MGAT5B: variants seen among roughly 807,000 people sequenced by gnomAD.
The protein encoded by MGAT5B is N-acetylglucosaminyl-transferase Vb.
A neutral mutation model predicts 95.1 loss-of-function variants in MGAT5B; 54 were observed. The observed-to-expected ratio is 0.57, with a 90% CI of 0.46 to 0.71. The LOEUF (loss-of-function observed/expected upper bound fraction) is 0.71. MGAT5B is among the 30% of genes least tolerant of loss of function. The pLI, the probability that MGAT5B is intolerant of heterozygous loss-of-function variation, is 0.00. For missense variants in MGAT5B, 935 were observed against 1,088.6 expected (o/e 0.86, Z 1.99); for synonymous variants, 464 against 451.0 (o/e 1.03, Z -0.36).
chr17:76,918,523 G>T lies in MGAT5B; in HGVS notation c.1026-6443G>T, dbSNP rs1969022928. On this transcript the variant is annotated intron_variant, in intron 8 of 17. Coordinates refer to ENST00000569840, the MANE Select transcript of MGAT5B (RefSeq NM_001199172.2). This position sits in a 1 kb window ranked among gnomAD's most constrained non-coding sequence, Gnocchi z 5.1. ...GGCAGGAAGAAAATGCTGCAGGACG[G>T]TGTAATTCTTTCCTCATTAGTGATC... Among the ~76,000 whole-genome samples, 1 of 152,216 alleles carries T rather than the reference G, an allele frequency of 6.6e-6. No individual in the cohort carries two copies. The highest frequency in any genetic ancestry group is 1.5e-5 in the Non-Finnish European group (1 of 68,040).
intron 10 of MGAT5B, among the ~76,000 whole-genome samples, chr17:76,928,561 C>T (rs1209628762): frequency 3.3e-5 from 5 of 151,820 alleles, no homozygotes; most frequent in African/African-American, 4.8e-5. Flanking sequence ...AAAAATTAGC[C>T]GGGTGTGGTC....
chr17:76,943,162 G>A (rs558882401), intron 15 of MGAT5B, among the ~76,000 whole-genome samples: 62 of 151,948 alleles, frequency 4.1e-4, no homozygotes, highest in African/African-American at 1.3e-3. Flanking sequence ...GACTGTCTGC[G>A]GTGAGAGGAA....
Position 76,905,266 on chromosome 17 carries a change from C to T in MGAT5B, c.788C>T (p.Ala263Val). 6.2e-7 allele frequency: 1 copy of T among 1,612,052 alleles called. No individual in the cohort carries two copies. Among genetic ancestry groups the T allele is most frequent in the Non-Finnish European group, 8.5e-7 (1 of 1,178,782 alleles). Residue 263 changes from alanine (A) to valine (V), a missense_variant, in exon 7 of 18, where the codon GCC becomes GTC. By Grantham distance (64) the Ala-to-Val change is moderately conservative. Around this residue, in one of 4 missense-constraint regions of MGAT5B, gnomAD observed 243 missense variants for 305.5 expected, o/e 0.80. Transcript: ENST00000569840. The surrounding 1 kb of genome is among the most constrained non-coding windows in gnomAD (Gnocchi z 4.2). ...FMKKRTKRLT[A>V]QWALAAQRLA... The stretch of plus-strand genomic sequence containing the variant: ...AAGAAGCGGACCAAGAGGCTCACAG[C>T]CCAGTGGGCGCTGGCTGCCCAGCGC...
chr17:76,932,520 C>T (rs937840676), intron 10 of MGAT5B, 125 bp from the exon 11 acceptor site: 32 of 1,415,928 alleles, frequency 2.3e-5, no homozygotes, highest in Non-Finnish European at 3.0e-5. Context: ...CCCACCGCAC[C>T]CTGTGCCCCG....
rs146302406 is a variant in MGAT5B, at chr17:76,906,116, G to T, written c.954G>T (p.Ala318=). ...CCCTAGGGGAGATGGTGCAGTGGGC[G>T]GACATTCTGACTGCACTCTATGTCC... is the stretch of plus-strand genomic sequence containing the variant. The part of the protein sequence containing the change: ...GGPLGEMVQW[A]DILTALYVLG... The change falls in exon 8 of 18, where the codon GCG becomes GCT. Residue 318 remains alanine (A), a synonymous_variant. Transcript: ENST00000569840. The surrounding 1 kb of genome is among the most constrained non-coding windows in gnomAD (Gnocchi z 4.6). 1 of 1,607,014 alleles carries T rather than the reference G, an allele frequency of 6.2e-7. No individual in the cohort carries two copies. The highest frequency in any genetic ancestry group is 2.3e-5 in the East Asian group (1 of 44,090).
chr17:76,892,311 G>GTGT (rs893598997), intron 3 of MGAT5B, among the ~76,000 whole-genome samples: 16 of 152,266 alleles, frequency 1.1e-4, no homozygotes, highest in African/African-American at 3.9e-4. Flanking sequence ...GCCTCCCAAA[G>GTGT]TGTTGGGATT....
chr17:76,923,076 C>A (rs1969168953), intron 8 of MGAT5B, among the ~76,000 whole-genome samples: 1 of 152,204 alleles, frequency 6.6e-6, no homozygotes, highest in Non-Finnish European at 1.5e-5. Context: ...CGGCAGGTGA[C>A]CAGAAACATC....
intron 16 of MGAT5B, 143 bp from the exon 17 acceptor site, chr17:76,947,687 A>G (rs1271362734): frequency 7.5e-7 from 1 of 1,327,436 alleles, no homozygotes; most frequent in Non-Finnish European, 9.7e-7. Context: ...AGTAAATGAA[A>G]TAATGCAGGT....
chr17:76,948,561 G>A (rs1429041464), intron 17 of MGAT5B, 79 bp from the exon 18 acceptor site: 5 of 1,392,718 alleles, frequency 3.6e-6, no homozygotes, highest in African/African-American at 2.8e-5. Flanking sequence ...GGACTAGGCT[G>A]GGGGCAGCCC....
intron 1 of MGAT5B, chr17:76,872,635 G>A (rs529332977): frequency 9.6e-6 from 14 of 1,456,660 alleles, no homozygotes; most frequent in South Asian, 2.9e-5. Flanking sequence ...GTGGTTTCTC[G>A]TGTGGCTCGA....
rs368795191 is a variant in MGAT5B, at chr17:76,930,533, G to A, written c.1292-2112G>A. Among the ~76,000 whole-genome samples the A allele has an allele frequency of 6.6e-6, 1 of 152,202 alleles. No individual in the cohort carries two copies. Among genetic ancestry groups the A allele is most frequent in the South Asian group, 2.1e-4 (1 of 4,824 alleles). ...TTAAATATCCTTGGACTCAATAAAC[G>A]GTTTATTCGGGATCCCAGTGCGCAG... On this transcript the variant is annotated intron_variant, in intron 10 of 17. Coordinates refer to ENST00000569840, the MANE Select transcript of MGAT5B (RefSeq NM_001199172.2). The surrounding 1 kb of genome is among the most constrained non-coding windows in gnomAD (Gnocchi z 4.1).
chr17:76,872,654 T>C, intron 1 of MGAT5B, 197 bp from the exon 2 acceptor site: 1 of 1,475,694 alleles, frequency 6.8e-7, no homozygotes, highest in Non-Finnish European at 9.0e-7. Flanking sequence ...GAGGCCAGCA[T>C]CTTGTAGTTG....
rs1968520236 is a variant in MGAT5B at position 76,906,149 on chromosome 17, T to C, written c.987T>C (p.His329=). 2 of 1,606,558 alleles carry C rather than the reference T, an allele frequency of 1.2e-6. No homozygotes were observed. Among genetic ancestry groups the C allele is most frequent in the African/African-American group, 1.3e-5 (1 of 74,236 alleles). ...DILTALYVLG[H]GLRVTVSLKE... is the part of the protein sequence containing the mutation. The stretch of plus-strand genomic sequence containing the variant: ...TGACTGCACTCTATGTCCTGGGCCA[T>C]GGCCTGCGGGTCACAGTCTCCCTGA... The change falls in exon 8 of 18, where the codon CAT becomes CAC. Residue 329 remains histidine (H), a synonymous_variant. Transcript: ENST00000569840. The surrounding 1 kb of genome is among the most constrained non-coding windows in gnomAD (Gnocchi z 4.6).
At chr17:76,932,509 C>A in intron 10 of MGAT5B, 136 bp from the exon 11 acceptor site, 1 of 1,275,656 alleles carries the variant, frequency 7.8e-7, no homozygotes, top group Non-Finnish European at 1.1e-6. Context: ...ATTACACCCT[C>A]CCCACCGCAC....
At chr17:76,878,784 T>C (rs1967293893) in intron 2 of MGAT5B, among the ~76,000 whole-genome samples, 1 of 152,212 alleles carries the variant, frequency 6.6e-6, no homozygotes, top group African/African-American at 2.4e-5. Flanking sequence ...CTGCTGCCAG[T>C]TTTTATAGGA....
intron 8 of MGAT5B, among the ~76,000 whole-genome samples, chr17:76,908,723 T>C (rs1275244868): frequency 6.6e-6 from 1 of 152,216 alleles, no homozygotes; most frequent in African/African-American, 2.4e-5. Context: ...ATTATTTTTA[T>C]GTGTTGGGAA....
intron 10 of MGAT5B, among the ~76,000 whole-genome samples, chr17:76,927,014 G>A (rs1162276184): frequency 6.6e-6 from 1 of 152,192 alleles, no homozygotes; most frequent in Non-Finnish European, 1.5e-5. Context: ...GAGGGAGGTT[G>A]GGCACACAGT....
intron 3 of MGAT5B, among the ~76,000 whole-genome samples, chr17:76,898,696 A>G (rs1968191687): frequency 6.6e-6 from 1 of 151,864 alleles, no homozygotes; most frequent in Admixed American, 6.5e-5. Flanking sequence ...TATTTTTTTT[A>G]TGTCCATAGG....
chr17:76,915,862 C>T lies in MGAT5B; in HGVS notation c.1026-9104C>T, dbSNP rs1320954170. The stretch of plus-strand genomic sequence containing the variant: ...ACCTCCTGGCTGAGCGGGGAGCGAG[C>T]GCAGGAGCACACATCCCAGCGGAGA... On this transcript the variant is annotated intron_variant, in intron 8 of 17. Transcript: ENST00000569840. This position sits in a 1 kb window ranked among gnomAD's most constrained non-coding sequence, Gnocchi z 8.7. Among the ~76,000 whole-genome samples the T allele has an allele frequency of 5.3e-5, 8 of 152,184 alleles. No individual in the cohort carries two copies. The highest frequency in any genetic ancestry group is 9.7e-5 in the African/African-American group (4 of 41,450).
Sources: gnomAD v4.1 joint callset for allele counts (sites outside exome capture counted in the v4.1 genomes callset) on GRCh38, gnomAD v4.1.1 for gene constraint, gnomAD v4.1.1 regional missense constraint, Gnocchi (gnomAD v3.1) non-coding constraint, MANE v1.5 for transcripts, NCBI Gene and HGNC (gene_info 2026-07-23, HGNC 2026-07-21) for gene names.